Variants in SYTL5 observed in about 807,000 individuals in gnomAD.
The protein encoded by SYTL5 is synaptotagmin like 5.
Under a neutral mutation model 55.9 loss-of-function variants are expected in SYTL5, and 34 were observed. The ratio of observed to expected loss-of-function variants is 0.61; its 90% CI spans 0.46 to 0.81. The LOEUF is 0.81. Among genes scored for constraint, SYTL5 ranks in the 30% least tolerant of loss-of-function variants. The probability of loss-of-function intolerance (pLI) is 0.00; values close to 1 mark genes in which losing one functional copy is unlikely to be tolerated. For missense variants in SYTL5, 637 were observed against 546.7 expected (o/e 1.17, Z -1.65); for synonymous variants, 221 against 188.7 (o/e 1.17, Z -1.40).
intron 6 of SYTL5, among the ~76,000 whole-genome samples, chrX:38,089,165 C>A (rs938529518): frequency 2.7e-5 from 3 of 111,957 alleles, no homozygotes; most frequent in Admixed American, 9.5e-5. Flanking sequence ...GGTAAGGAAC[C>A]CAGACTGGCT....
the SYTL5 span, among the ~76,000 whole-genome samples, chrX:37,930,824 A>C: frequency 8.9e-6 from 1 of 112,130 alleles, no homozygotes; most frequent in African/African-American, 3.2e-5. Flanking sequence ...CTGTGATGCA[A>C]CTCAAATTTC....
At chrX:38,007,837 A>G (rs999176548) in intron 1 of SYTL5, among the ~76,000 whole-genome samples, 4 of 111,597 alleles carry the variant, frequency 3.6e-5, no homozygotes, top group African/African-American at 1.3e-4. Context: ...CTAATAACTG[A>G]GAAAATGTCT....
At chrX:37,896,573 A>T in the SYTL5 span, among the ~76,000 whole-genome samples, 1 of 111,813 alleles carries the variant, frequency 8.9e-6, no homozygotes, top group Non-Finnish European at 1.9e-5. Flanking sequence ...ACTGCTCTTG[A>T]AATGCTGAGA....
At chrX:38,041,217 T>G (rs1357246551) in intron 2 of SYTL5, among the ~76,000 whole-genome samples, 1 of 112,216 alleles carries the variant, frequency 8.9e-6, no homozygotes, top group Non-Finnish European at 1.9e-5. Context: ...GTTCAATATT[T>G]GGTTCAAATG....
intron 3 of SYTL5, among the ~76,000 whole-genome samples, chrX:38,056,843 T>C (rs1935801589): frequency 8.9e-6 from 1 of 111,980 alleles, no homozygotes; most frequent in South Asian, 3.7e-4. Context: ...TTAGATTTTT[T>C]GTAGAGTTGT....
At chrX:38,102,073 C>T (rs1256288932) in intron 9 of SYTL5, among the ~76,000 whole-genome samples, 1 of 110,036 alleles carries the variant, frequency 9.1e-6, no homozygotes, top group Non-Finnish European at 1.9e-5. Context: ...GAACCCAGGT[C>T]TGTATGATTC....
At position 38,102,405 on chromosome X, in the gene SYTL5, ACT is replaced by A; in HGVS notation, c.1128_1129del (p.His377ProfsTer12). On this transcript the variant is annotated frameshift_variant, in exon 10 of 17. Transcript: ENST00000297875. LOFTEE classifies it high-confidence loss of function. ...ALVSSQLSTN[T>X]HRLASGLSTT... ...AGTGTCCTCGCAGTTATCTACAAACACTCACCGTCTGGCAAGTGGCCTATCAA... is the reference window on the plus strand; with the variant it reads ...AGTGTCCTCGCAGTTATCTACAAACACACCGTCTGGCAAGTGGCCTATCAA... 8.3e-7 allele frequency: 1 copy of A among 1,207,219 alleles called. No individual in the cohort carries two copies. The highest frequency in any genetic ancestry group is 1.7e-5 in the African/African-American group (1 of 57,568).
chrX:37,901,265 A>C, the SYTL5 span, among the ~76,000 whole-genome samples: 10 of 111,961 alleles, frequency 8.9e-5, no homozygotes, highest in Admixed American at 9.5e-4. Flanking sequence ...AATCTCCCTC[A>C]GGTGATCCGG....
the SYTL5 span, among the ~76,000 whole-genome samples, chrX:37,965,245 A>C: frequency 1.8e-5 from 2 of 110,998 alleles, no homozygotes; most frequent in South Asian, 7.5e-4. Flanking sequence ...GACCCCATAT[A>C]GTTTGGCATA....
At chrX:38,015,920 T>C (rs1281430143) in intron 1 of SYTL5, among the ~76,000 whole-genome samples, 4 of 111,283 alleles carry the variant, frequency 3.6e-5, no homozygotes, top group Non-Finnish European at 5.7e-5. Flanking sequence ...GATAAAAATA[T>C]AAGCCAAAAA....
chrX:37,889,586 TG>T, the SYTL5 span, among the ~76,000 whole-genome samples: 1 of 111,024 alleles, frequency 9.0e-6, no homozygotes, highest in African/African-American at 3.3e-5. Flanking sequence ...TGGGCTTGAG[TG>T]GGGGGGATAA....
At chrX:37,895,077 T>A in the SYTL5 span, among the ~76,000 whole-genome samples, 177 of 111,952 alleles carry the variant, frequency 1.6e-3, no homozygotes, top group African/African-American at 5.6e-3. Context: ...TATGTCTACA[T>A]CTATGTCTAT....
chrX:38,102,810 C>T (rs1937115515), intron 10 of SYTL5, among the ~76,000 whole-genome samples: 1 of 112,018 alleles, frequency 8.9e-6, no homozygotes. Flanking sequence ...TCCTAAAACA[C>T]ATGCCCAATC....
chrX:38,123,369 T>A (rs1384855256), intron 15 of SYTL5, among the ~76,000 whole-genome samples: 1 of 111,640 alleles, frequency 9.0e-6, no homozygotes, highest in Non-Finnish European at 1.9e-5. Context: ...CCTCAAGTGA[T>A]CTGCCTGCCT....
chrX:38,015,765 A>G (rs953911752), intron 1 of SYTL5, among the ~76,000 whole-genome samples: 2 of 110,600 alleles, frequency 1.8e-5, no homozygotes, highest in Non-Finnish European at 3.8e-5. Flanking sequence ...CTAATTTCAG[A>G]ACACTTTCGC....
chrX:37,992,136 G>T, the SYTL5 span, among the ~76,000 whole-genome samples: 2 of 112,504 alleles, frequency 1.8e-5, no homozygotes, highest in Non-Finnish European at 3.8e-5. Context: ...AGCACCAAAG[G>T]ATTATTAGTG....
At chrX:38,101,978 T>TGC (rs1348077073) in intron 9 of SYTL5, among the ~76,000 whole-genome samples, 1 of 109,549 alleles carries the variant, frequency 9.1e-6, no homozygotes, top group Non-Finnish European at 1.9e-5. Context: ...TGTGTGTGTG[T>TGC]GTTTGCACAC....
chrX:38,103,425 T>C (rs748695778), intron 10 of SYTL5, among the ~76,000 whole-genome samples: 25 of 111,266 alleles, frequency 2.2e-4, no homozygotes, highest in Non-Finnish European at 4.7e-4. Flanking sequence ...ATAGGTGTCT[T>C]AGTTTCTCAC....
chrX:37,966,436 C>CT, the SYTL5 span, among the ~76,000 whole-genome samples: 27,489 of 77,892 alleles, frequency 0.35, 4,919 homozygotes, highest in East Asian at 0.51. Flanking sequence ...TTTTCTTTTT[C>CT]TTTTTTTTTT....
Sources: allele counts gnomAD v4.1 joint callset (sites outside exome capture counted in the v4.1 genomes callset), GRCh38; gene constraint gnomAD v4.1.1; transcripts MANE v1.5; gene names NCBI Gene and HGNC (gene_info 2026-07-23, HGNC 2026-07-21).